The following EPB41L4B variants were observed in gnomAD, a reference collection of about 807,000 sequenced individuals.
EPB41L4B encodes erythrocyte membrane protein band 4.1 like 4B.
A neutral mutation model predicts 112.5 loss-of-function variants in EPB41L4B; 30 were observed. That is an observed-to-expected ratio of 0.27 (90% CI 0.20 to 0.36). The LOEUF (loss-of-function observed/expected upper bound fraction) is 0.36, where lower values mean the gene tolerates loss of function less well. Among genes scored for constraint, EPB41L4B ranks in the 10% least tolerant of loss-of-function variants. The pLI is 1.00. For missense variants in EPB41L4B, 1,024 were observed against 1,133.3 expected, an observed-to-expected ratio of 0.90 and a Z score of 1.38; for synonymous variants, 408 against 439.7, an observed-to-expected ratio of 0.93 and a Z score of 0.90.
At chr9:109,309,596 C>A (rs924185669) in intron 1 of EPB41L4B, among the ~76,000 whole-genome samples, 5 of 152,120 alleles carry the variant, frequency 3.3e-5, no homozygotes, top group African/African-American at 1.2e-4. Context: ...TTGCTAACAA[C>A]ATATGAAAGA....
intron 20 of EPB41L4B, among the ~76,000 whole-genome samples, chr9:109,196,683 CT>C (rs1832652033): frequency 6.8e-6 from 1 of 146,100 alleles, no homozygotes; most frequent in African/African-American, 2.5e-5. Context: ...GACCACTGCA[CT>C]CCAGCTTGGG....
Position 109,228,190 on chromosome 9 carries a change from G to A in EPB41L4B, c.1410-11045C>T, listed in dbSNP as rs138728667. Among the ~76,000 whole-genome samples, 642 of 152,212 alleles carry A rather than the reference G, an allele frequency of 4.2e-3. 3 individuals are homozygous for A. Among genetic ancestry groups the A allele is most frequent in the African/African-American group, 0.015 (617 of 41,542 alleles). On this transcript the variant is annotated intron_variant, in intron 15 of 25. Transcript: ENST00000374566. Reference sequence around the variant, plus strand: ...GTTTCTGATAAATTCTACTTATCAGGTTAGACAGTTCTTCCACTCTTAGCT... The same window carrying A: ...GTTTCTGATAAATTCTACTTATCAGATTAGACAGTTCTTCCACTCTTAGCT...
chr9:109,213,495 G>A (rs942856229), intron 17 of EPB41L4B, among the ~76,000 whole-genome samples: 3 of 152,172 alleles, frequency 2.0e-5, no homozygotes, highest in African/African-American at 7.2e-5. Flanking sequence ...CACTGGGAAC[G>A]ACGCCTAATG....
At chr9:109,217,635 A>C (rs999073442) in intron 15 of EPB41L4B, among the ~76,000 whole-genome samples, 12 of 152,232 alleles carry the variant, frequency 7.9e-5, no homozygotes, top group African/African-American at 2.6e-4. Context: ...GCAGTGGTGC[A>C]AACACAGCTC....
intron 1 of EPB41L4B, among the ~76,000 whole-genome samples, chr9:109,308,004 G>A (rs962225893): frequency 3.3e-5 from 5 of 152,132 alleles, no homozygotes; most frequent in Non-Finnish European, 7.4e-5. Context: ...GCCTTTCGCC[G>A]CCTCCAGAAT....
At position 109,268,417 on chromosome 9, in the gene EPB41L4B, G is replaced by C; in HGVS notation, c.428C>G (p.Ala143Gly). Residue 143 changes from alanine to glycine, a missense_variant, in exon 3 of 26, where the codon GCC becomes GGC. Ala to Gly is a moderately conservative substitution (Grantham distance 60). Coordinates refer to ENST00000374566, the MANE Select transcript of EPB41L4B (RefSeq NM_019114.5). ...SAQVAHWLDHAKPIKKQMKIG... is the reference protein window; with the variant it reads ...SAQVAHWLDHGKPIKKQMKIG... The stretch of plus-strand genomic sequence containing the variant: ...TTTCATCTGCTTTTTTATGGGTTTG[G>C]CATGATCCAGCCAGTGCTGAAAGAA... 2 of 1,610,012 alleles carry C rather than the reference G, an allele frequency of 1.2e-6. No homozygotes were observed. The highest frequency in any genetic ancestry group is 1.7e-6 in the Non-Finnish European group (2 of 1,179,108).
At chr9:109,239,979 T>A (rs926426579) in intron 15 of EPB41L4B, 1 of 985,314 alleles carries the variant, frequency 1.0e-6, no homozygotes, top group Middle Eastern at 5.2e-4. Context: ...GCTGTGCCTA[T>A]AAGATCCACT....
chr9:109,288,711 A>C (rs1836399960), intron 1 of EPB41L4B, among the ~76,000 whole-genome samples: 1 of 113,844 alleles, frequency 8.8e-6, no homozygotes, highest in South Asian at 3.5e-4. Context: ...TGACAGAGCG[A>C]GACTCCGTCT....
chr9:109,278,240 T>C (rs1835910097), intron 2 of EPB41L4B, among the ~76,000 whole-genome samples: 1 of 151,314 alleles, frequency 6.6e-6, no homozygotes, highest in African/African-American at 2.4e-5. Context: ...CCCGGGAGGG[T>C]TCGAGGAGGA....
intron 1 of EPB41L4B, among the ~76,000 whole-genome samples, chr9:109,296,992 G>T (rs147366125): frequency 6.6e-6 from 1 of 151,916 alleles, no homozygotes; most frequent in African/African-American, 2.4e-5. Context: ...TCCTAACCCC[G>T]GTACCTTGGA....
chr9:109,184,341 TTC>T (rs1177566198), intron 23 of EPB41L4B, among the ~76,000 whole-genome samples: 1 of 152,222 alleles, frequency 6.6e-6, no homozygotes, highest in East Asian at 1.9e-4. Context: ...TGCCTCAGCC[TTC>T]TGAGTAGCTG....
In EPB41L4B at chr9:109,182,790, G is replaced by A. The variant is rs369006420; in HGVS notation, c.2426C>T (p.Thr809Ile). The A allele has an allele frequency of 2.0e-5, 32 of 1,610,440 alleles. No individual in the cohort carries two copies. The highest frequency in any genetic ancestry group is 2.4e-5 in the Non-Finnish European group (28 of 1,176,752). ...YPPIKTRLIK[T>I]FPVDTMNPFP... ...CGGGTTCATTGTATCAACCGGGAAT[G>A]TTTTTATCTTCAAAAGAGAGAAAGA... Residue 809 changes from threonine to isoleucine, a missense_variant, in exon 24 of 26, where the codon ACA becomes ATA. Transcript: ENST00000374566.
intron 2 of EPB41L4B, among the ~76,000 whole-genome samples, chr9:109,278,818 G>A (rs770871605): frequency 1.1e-4 from 16 of 152,158 alleles, no homozygotes; most frequent in Non-Finnish European, 2.1e-4. Context: ...TTAGATTGTC[G>A]AATAAATTAT....
At chr9:109,233,634 G>A (rs1322225125) in intron 15 of EPB41L4B, among the ~76,000 whole-genome samples, 1 of 151,336 alleles carries the variant, frequency 6.6e-6, no homozygotes, top group African/African-American at 2.4e-5. Flanking sequence ...GGGTTCAAGC[G>A]ATTCTCCTGT....
At chr9:109,287,961 T>C (rs1310003135) in intron 1 of EPB41L4B, among the ~76,000 whole-genome samples, 1 of 152,178 alleles carries the variant, frequency 6.6e-6, no homozygotes, top group African/African-American at 2.4e-5. Context: ...CCATTACAGC[T>C]CAAGTCATGT....
intron 15 of EPB41L4B, among the ~76,000 whole-genome samples, chr9:109,220,741 G>A (rs980666964): frequency 5.3e-5 from 8 of 152,134 alleles, no homozygotes; most frequent in Admixed American, 4.6e-4. Context: ...TTCTGTGTGT[G>A]TGCGTGTGTG....
intron 3 of EPB41L4B, among the ~76,000 whole-genome samples, chr9:109,267,912 G>T (rs1835465074): frequency 6.6e-6 from 1 of 152,166 alleles, no homozygotes; most frequent in Non-Finnish European, 1.5e-5. Flanking sequence ...AAAGTGTTCT[G>T]TTCTCTAAAA....
chr9:109,204,212 T>C (rs1588134125), intron 18 of EPB41L4B, among the ~76,000 whole-genome samples: 1 of 152,142 alleles, frequency 6.6e-6, no homozygotes, highest in Non-Finnish European at 1.5e-5. Flanking sequence ...AACCTTGTCC[T>C]CCTCCCTCTG....
At chr9:109,183,811 G>A (rs1043509386) in intron 23 of EPB41L4B, among the ~76,000 whole-genome samples, 2 of 152,260 alleles carry the variant, frequency 1.3e-5, no homozygotes, top group African/African-American at 2.4e-5. Flanking sequence ...GTGGACACTG[G>A]GATAGCTACT....
Sources: gnomAD v4.1 joint callset for allele counts (sites outside exome capture counted in the v4.1 genomes callset) on GRCh38, gnomAD v4.1.1 for gene constraint, MANE v1.5 for transcripts, NCBI Gene and HGNC (gene_info 2026-07-23, HGNC 2026-07-21) for gene names.